Variants in PCDHA2 observed in about 807,000 individuals in gnomAD.
The protein encoded by PCDHA2 is protocadherin alpha-2.
A neutral mutation model predicts 66.0 loss-of-function variants in PCDHA2; 58 were observed. The observed-to-expected ratio is 0.88, with a 90% CI of 0.71 to 1.09. The LOEUF (loss-of-function observed/expected upper bound fraction) is 1.09. PCDHA2 is among the 50% of genes least tolerant of loss of function. The pLI, the probability that PCDHA2 is intolerant of heterozygous loss-of-function variation, is 0.00. For synonymous variants in PCDHA2, 634 were observed against 554.0 expected (o/e 1.14, Z -2.03); for missense variants, 1,267 against 1,242.3 (o/e 1.02, Z -0.30).
rs2126638059 is a variant in PCDHA2 at position 140,812,385 on chromosome 5, A to G, written c.2388+15033A>G. ...CTTCCAGTCTTTTTGTTTTTTTCTT[A>G]GTCTAGCTAAGGGGCTTGTCAGTTT... On this transcript the variant is annotated intron_variant, in intron 1 of 3. Transcript: ENST00000526136. 9.2e-5 allele frequency: 14 copies of G among 151,850 alleles called. No individual in the cohort carries two copies. In the East Asian group the frequency reaches 2.1e-3, roughly 23 times the overall value. 9.4% of individuals were successfully genotyped at this position (151,850 alleles called of 1,614,324 possible).
At chr5:140,801,970 G>A (rs782352875) in intron 1 of PCDHA2, 4 of 1,614,158 alleles carry the variant, frequency 2.5e-6, no homozygotes, top group African/African-American at 1.3e-5. Context: ...GCACCAAATG[G>A]TACCCTAGTG....
chr5:140,949,636 T>A (rs1047386786), intron 1 of PCDHA2, among the ~76,000 whole-genome samples: 1 of 151,898 alleles, frequency 6.6e-6, no homozygotes, highest in Admixed American at 6.6e-5. Context: ...GGCATATTGC[T>A]TTTTGTTCAT....
chr5:140,965,168 T>C (rs1484687706), intron 1 of PCDHA2, among the ~76,000 whole-genome samples: 1 of 152,180 alleles, frequency 6.6e-6, no homozygotes, highest in Non-Finnish European at 1.5e-5. Context: ...GACGTTTTAG[T>C]GAGTGCTTTT....
At chr5:140,800,958 A>C in intron 1 of PCDHA2, 1 of 1,169,802 alleles carries the variant, frequency 8.5e-7, no homozygotes. Flanking sequence ...ACATACAAGG[A>C]AAAGAAGATA....
In PCDHA2 at chr5:141,011,207, G is replaced by A. The variant is rs79928365; in HGVS notation, c.*1270G>A. On this transcript the variant is annotated 3_prime_UTR_variant, in exon 4 of 4. Coordinates refer to ENST00000526136, the MANE Select transcript of PCDHA2 (RefSeq NM_018905.3). Reference sequence around the variant, plus strand: ...GAAAAATATTGTTTTCTCATACAGTGAGCAGATTTTTCAATCTACTAATTC... The same window carrying A: ...GAAAAATATTGTTTTCTCATACAGTAAGCAGATTTTTCAATCTACTAATTC... 325 of 153,804 alleles carry A rather than the reference G, an allele frequency of 2.1e-3. 2 individuals are homozygous for A. The highest frequency in any genetic ancestry group is 7.1e-3 in the African/African-American group (293 of 41,546). 9.5% of individuals were successfully genotyped at this position (153,804 alleles called of 1,614,324 possible). A position where few individuals can be genotyped will look rare whatever the true frequency, so the allele number is the denominator to read the frequency against.
chr5:140,957,021 T>C (rs1431974405), intron 1 of PCDHA2, among the ~76,000 whole-genome samples: 3 of 152,182 alleles, frequency 2.0e-5, no homozygotes, highest in Non-Finnish European at 2.9e-5. Context: ...AGTGAGCATT[T>C]AGATATTTAT....
Position 140,927,036 on chromosome 5 carries a change from C to T in PCDHA2, c.2389-51913C>T, listed in dbSNP as rs137875923. 7.2e-5 allele frequency: 116 copies of T among 1,612,314 alleles called. No individual in the cohort carries two copies. In the African/African-American group the frequency reaches 1.3e-3, roughly 19 times the overall value. ...CCGCGGACTTGAGGCTGCCAGCGGC[C>T]GCTATGTCCTCGCGGAACTTTCGCT... On this transcript the variant is annotated intron_variant, in intron 1 of 3. Coordinates refer to ENST00000526136, the MANE Select transcript of PCDHA2 (RefSeq NM_018905.3).
intron 1 of PCDHA2, chr5:140,853,993 T>A (rs2042933293): frequency 8.2e-6 from 4 of 486,194 alleles, no homozygotes; most frequent in Admixed American, 6.7e-5. Context: ...GTGAGACTCA[T>A]CTCTGCCAAA....
chr5:140,971,000 T>G (rs1409787417), intron 1 of PCDHA2, among the ~76,000 whole-genome samples: 2 of 152,196 alleles, frequency 1.3e-5, no homozygotes, highest in African/African-American at 4.8e-5. Flanking sequence ...ATCAAAGAGT[T>G]TCCAGAAGTC....
chr5:140,907,009 C>A (rs2193983), intron 1 of PCDHA2, among the ~76,000 whole-genome samples: 26,809 of 152,052 alleles, frequency 0.18, 2,652 homozygotes, highest in African/African-American at 0.27. Flanking sequence ...GGAACTAAGA[C>A]CTCTAGGCCA....
intron 1 of PCDHA2, among the ~76,000 whole-genome samples, chr5:140,973,304 C>G (rs1252823783): frequency 6.6e-6 from 1 of 152,126 alleles, no homozygotes; most frequent in Non-Finnish European, 1.5e-5. Context: ...TCTGATGACT[C>G]TATCCTGGAA....
rs2150499479 is a variant in PCDHA2 at position 140,850,817 on chromosome 5, G to C, written c.2388+53465G>C. ...AGACCGACCTCATGGCCTTCAGCCC[G>C]GGCCTTTCTCCTTGTGCTGGATCTA... On this transcript the variant is annotated intron_variant, in intron 1 of 3. Transcript: ENST00000526136. 44 of 1,598,178 alleles carry C rather than the reference G, an allele frequency of 2.8e-5. 6 individuals carry two copies. The highest frequency in any genetic ancestry group is 1.7e-4 in the South Asian group (15 of 90,550).
chr5:140,983,444 TC>T (rs1554245415), intron 3 of PCDHA2, among the ~76,000 whole-genome samples: 1 of 152,224 alleles, frequency 6.6e-6, no homozygotes. Context: ...TCTACTCTAA[TC>T]CTCTATTAAT....
At chr5:140,851,481 C>G in intron 1 of PCDHA2, 1 of 891,038 alleles carries the variant, frequency 1.1e-6, no homozygotes, top group Non-Finnish European at 1.4e-6. Flanking sequence ...ATGTTATAAA[C>G]ACAGCCTTCA....
At chr5:140,881,353 G>T (rs537796043) in intron 1 of PCDHA2, 4 of 985,178 alleles carry the variant, frequency 4.1e-6, no homozygotes, top group Non-Finnish European at 4.8e-6. Context: ...GCTACAATGC[G>T]TGGCTTTCGT....
At chr5:140,916,821 CT>C (rs1452400361) in intron 1 of PCDHA2, among the ~76,000 whole-genome samples, 3 of 152,170 alleles carry the variant, frequency 2.0e-5, no homozygotes, top group Non-Finnish European at 2.9e-5. Flanking sequence ...TGTGCCACCC[CT>C]ATCCCTCTGG....
At chr5:140,830,610 T>A in intron 1 of PCDHA2, 1 of 618,590 alleles carries the variant, frequency 1.6e-6, no homozygotes, top group Non-Finnish European at 2.5e-6. Context: ...ATATTTTCAT[T>A]TTATTGTGTT....
At chr5:140,901,674 G>C (rs1387047115) in intron 1 of PCDHA2, among the ~76,000 whole-genome samples, 5 of 152,034 alleles carry the variant, frequency 3.3e-5, no homozygotes, top group African/African-American at 9.7e-5. Flanking sequence ...GATACCTTTA[G>C]GTATTATGGG....
chr5:140,843,552 C>G (rs2150362585), intron 1 of PCDHA2: 1 of 1,595,800 alleles, frequency 6.3e-7, no homozygotes, highest in Non-Finnish European at 8.6e-7. Context: ...TGCTCCAGTG[C>G]GGTGGGGAGC....
Sources: gnomAD v4.1 joint callset for allele counts (sites outside exome capture counted in the v4.1 genomes callset) on GRCh38, gnomAD v4.1.1 for gene constraint, MANE v1.5 for transcripts, NCBI Gene and HGNC (gene_info 2026-07-23, HGNC 2026-07-21) for gene names.